TCL1A: variants seen among roughly 807,000 people sequenced by gnomAD.
TCL1A encodes TCL1 family AKT coactivator A, also known as T-cell leukemia/lymphoma protein 1A.
A neutral mutation model predicts 16.9 loss-of-function variants in TCL1A; 9 were observed. That is an observed-to-expected ratio of 0.53 (90% CI 0.32 to 0.93). The LOEUF (loss-of-function observed/expected upper bound fraction) is 0.93. Among genes scored for constraint, TCL1A ranks in the 40% least tolerant of loss-of-function variants. TCL1A has a pLI of 0.04. For missense variants in TCL1A, 139 were observed against 153.0 expected, an observed-to-expected ratio of 0.91 and a Z score of 0.48; for synonymous variants, 69 against 63.2, an observed-to-expected ratio of 1.09 and a Z score of -0.44.
chr14:95,713,969 G>A lies in TCL1A; in HGVS notation c.98C>T (p.Ala33Val). 1 of 1,614,002 alleles carries A rather than the reference G, an allele frequency of 6.2e-7. No individual in the cohort carries two copies. ...KFVYLDEKQH[A>V]WLPLTIEIKD... Reference sequence around the variant, plus strand: ...TACCTCGATGGTTAAGGGCAGCCAGGCGTGCTGCTTCTCGTCCAAATACAC... The same window carrying A: ...TACCTCGATGGTTAAGGGCAGCCAGACGTGCTGCTTCTCGTCCAAATACAC... Residue 33 changes from alanine to valine, a missense_variant, in exon 1 of 4, where the codon GCC becomes GTC. By Grantham distance (64) the Ala-to-Val change is moderately conservative. Around this residue, in one of 2 missense-constraint regions of TCL1A, gnomAD observed 94 missense variants for 80.2 expected, o/e 1.17. Transcript: ENST00000402399.
rs192696144 is a variant in TCL1A, at chr14:95,713,818, T to C, written c.120+129A>G. 59 of 1,404,626 alleles carry C rather than the reference T, an allele frequency of 4.2e-5. No individual in the cohort carries two copies. The African/African-American group carries it at 7.7e-4, about 18-fold the overall frequency. 87.0% of individuals were successfully genotyped at this position (1,404,626 alleles called of 1,614,324 possible). A position where few individuals can be genotyped will look rare whatever the true frequency, so the allele number is the denominator to read the frequency against. On this transcript the variant is annotated intron_variant, in intron 1 of 3. Coordinates refer to ENST00000402399, the MANE Select transcript of TCL1A (RefSeq NM_021966.3). Reference sequence around the variant, plus strand: ...TCATCCTCCAGAGCCCGGCTCAAAGTGGCTTCATCTGTGGGGATCCTCCCT... The same window carrying C: ...TCATCCTCCAGAGCCCGGCTCAAAGCGGCTTCATCTGTGGGGATCCTCCCT...
chr14:95,711,899 G>T, intron 2 of TCL1A, 97 bp from the exon 3 acceptor site: 1 of 1,497,748 alleles, frequency 6.7e-7, no homozygotes, highest in Non-Finnish European at 9.0e-7. Flanking sequence ...GAAACAGCAG[G>T]TAGGAACCCA....
intron 1 of TCL1A, among the ~76,000 whole-genome samples, chr14:95,713,696 A>C (rs1886457979): frequency 6.6e-6 from 1 of 152,224 alleles, no homozygotes; most frequent in African/African-American, 2.4e-5. Flanking sequence ...GCTGTAGTCA[A>C]CATTATAGTC....
At chr14:95,713,828 T>C (rs1886476526) in intron 1 of TCL1A, 119 bp downstream of exon 1, 1 of 1,474,840 alleles carries the variant, frequency 6.8e-7, no homozygotes, top group African/African-American at 1.4e-5. Flanking sequence ...TGGCTTCATC[T>C]GTGGGGATCC....
rs1251974660 is a variant in TCL1A, at chr14:95,711,813, G to C, written c.298-11C>G. ...CTCCACGCCGTCAATCTGAGAGGCA[G>C]AGAGAGAGAGAAGGCATTGATCGGC... On this transcript the variant is annotated splice_polypyrimidine_tract_variant and intron_variant, in intron 2 of 3. Transcript: ENST00000402399. 1.7e-6 allele frequency: 2 copies of C among 1,204,856 alleles called. No individual in the cohort carries two copies. Among genetic ancestry groups the C allele is most frequent in the Non-Finnish European group, 2.2e-6 (2 of 902,126 alleles). The allele number at this position is 1,204,856 out of a possible 1,614,324, so 74.6% of individuals were successfully genotyped here. A position where few individuals can be genotyped will look rare whatever the true frequency, so the allele number is the denominator to read the frequency against.
In TCL1A at chr14:95,710,154, G is replaced by T. The variant is rs1448083747; in HGVS notation, c.*734C>A. 2 of 152,194 alleles carry T rather than the reference G, an allele frequency of 1.3e-5. No individual in the cohort carries two copies. Among genetic ancestry groups the T allele is most frequent in the African/African-American group, 4.8e-5 (2 of 41,420 alleles). The allele number at this position is 152,194 out of a possible 1,614,324, so 9.4% of individuals were successfully genotyped here. On this transcript the variant is annotated 3_prime_UTR_variant, in exon 4 of 4. Transcript: ENST00000402399. ...GGTGCGTGACCATCTATAAAAGGGGGGAAACCCAACCTCTATCCCTTTTCC... is the reference window on the plus strand; with the variant it reads ...GGTGCGTGACCATCTATAAAAGGGGTGAAACCCAACCTCTATCCCTTTTCC...
chr14:95,711,330 G>C (rs927165230), intron 3 of TCL1A: 1 of 154,408 alleles, frequency 6.5e-6, no homozygotes, highest in Non-Finnish European at 1.4e-5. Context: ...TTAGCCAGGT[G>C]TGGTGGCGGG....
In TCL1A at chr14:95,710,573, AAG is replaced by A. The variant is rs1886321489; in HGVS notation, c.*313_*314del. On this transcript the variant is annotated 3_prime_UTR_variant, in exon 4 of 4. Coordinates refer to ENST00000402399, the MANE Select transcript of TCL1A (RefSeq NM_021966.3). ...TGCTGTGAGGGACAGAAGGGACAGA[AAG>A]AGGCTGAAGACCATCATCCAGCTGA... The A allele has an allele frequency of 6.6e-6, 1 of 152,550 alleles. No individual in the cohort carries two copies. Among genetic ancestry groups the A allele is most frequent in the African/African-American group, 2.4e-5 (1 of 41,452 alleles). 9.4% of individuals were successfully genotyped at this position (152,550 alleles called of 1,614,324 possible). A position where few individuals can be genotyped will look rare whatever the true frequency, so the allele number is the denominator to read the frequency against.
At chr14:95,713,909 C>A in intron 1 of TCL1A, 38 bp downstream of exon 1, 1 of 1,609,212 alleles carries the variant, frequency 6.2e-7, no homozygotes, top group South Asian at 1.1e-5. Flanking sequence ...CAGGGGCTGC[C>A]CCTGCTGCCT....
At chr14:95,713,576 T>C (rs139184818) in intron 1 of TCL1A, among the ~76,000 whole-genome samples, 2 of 152,222 alleles carry the variant, frequency 1.3e-5, no homozygotes, top group East Asian at 1.9e-4. Flanking sequence ...TTTTTAAAAA[T>C]ACAGATTTCT....
chr14:95,712,598 A>C, intron 1 of TCL1A: 1 of 1,486,542 alleles, frequency 6.7e-7, no homozygotes, highest in Admixed American at 2.1e-5. Context: ...CTGGGCCAGG[A>C]CCACCAGCAC....
intron 1 of TCL1A, 78 bp from the exon 2 acceptor site, chr14:95,712,474 C>T: frequency 3.9e-6 from 6 of 1,532,530 alleles, no homozygotes; most frequent in Non-Finnish European, 5.3e-6. Flanking sequence ...AACCGGAATC[C>T]CTCCTGCCAG....
At position 95,712,779 on chromosome 14, in the gene TCL1A, A is replaced by C. The variant is rs1048925494; in HGVS notation, c.121-383T>G. On this transcript the variant is annotated intron_variant, in intron 1 of 3. Coordinates refer to ENST00000402399, the MANE Select transcript of TCL1A (RefSeq NM_021966.3). ...TCACAGAGCGAGACCCTGTATCTAC[A>C]GGAAAAAAAAAAAACAACAAAGAAA... The C allele has an allele frequency of 3.0e-5, 24 of 804,390 alleles. No homozygotes were observed. In the African/African-American group the frequency reaches 3.6e-4, roughly 12 times the overall value. The allele number at this position is 804,390 out of a possible 1,614,324, so 49.8% of individuals were successfully genotyped here.
At chr14:95,713,645 C>T (rs1234657099) in intron 1 of TCL1A, among the ~76,000 whole-genome samples, 1 of 152,236 alleles carries the variant, frequency 6.6e-6, no homozygotes, top group Non-Finnish European at 1.5e-5. Context: ...TTAGAGATAC[C>T]CATTTTTAAG....
intron 1 of TCL1A, 80 bp downstream of exon 1, chr14:95,713,867 G>A (rs535981778): frequency 2.5e-6 from 4 of 1,582,114 alleles, no homozygotes; most frequent in Admixed American, 1.7e-5. Flanking sequence ...TGCTCCTTGA[G>A]TCCTCGCCCT....
intron 1 of TCL1A, among the ~76,000 whole-genome samples, chr14:95,713,343 T>A (rs1886429547): frequency 6.6e-6 from 1 of 152,356 alleles, no homozygotes; most frequent in Middle Eastern, 3.4e-3. Flanking sequence ...CAAATACTTG[T>A]AAAAGACTTA....
At chr14:95,713,644 C>A (rs1017589495) in intron 1 of TCL1A, among the ~76,000 whole-genome samples, 1 of 152,228 alleles carries the variant, frequency 6.6e-6, no homozygotes, top group African/African-American at 2.4e-5. Flanking sequence ...CTTAGAGATA[C>A]CCATTTTTAA....
chr14:95,712,312 G>T lies in TCL1A; in HGVS notation c.205C>A (p.Pro69Thr), dbSNP rs772348647. The change falls in exon 2 of 4, where the codon CCA (proline) becomes ACA (threonine). Residue 69 changes from proline to threonine, a missense_variant. By Grantham distance (38) the Pro-to-Thr change is conservative (BLOSUM62 -1). Transcript: ENST00000402399. ...TGCCACATGATAGGCAGCAGGCTTG[G>T]GCCTATCTGGGTGGGGGTCATAGGC... ...GRPMTPTQIG[P>T]SLLPIMWQLY... 1 of 1,614,152 alleles carries T rather than the reference G, an allele frequency of 6.2e-7. No homozygotes were observed. The highest frequency in any genetic ancestry group is 2.2e-5 in the East Asian group (1 of 44,870).
At chr14:95,713,810 G>C (rs751230096) in intron 1 of TCL1A, 137 bp downstream of exon 1, 3 of 1,360,564 alleles carry the variant, frequency 2.2e-6, no homozygotes, top group African/African-American at 1.5e-5. Flanking sequence ...CCAGAGCCCG[G>C]CTCAAAGTGG....
Sources: allele counts gnomAD v4.1 joint callset (sites outside exome capture counted in the v4.1 genomes callset), GRCh38; gene constraint gnomAD v4.1.1; regional missense constraint gnomAD v4.1.1; transcripts MANE v1.5; gene names NCBI Gene and HGNC (gene_info 2026-07-23, HGNC 2026-07-21).